The following SLIT3 variants were observed in gnomAD, a reference collection of about 807,000 sequenced individuals.
SLIT3 encodes slit guidance ligand 3, also known as slit homolog 3 protein.
In SLIT3, 68 loss-of-function variants were observed where a neutral mutation model predicts 184.0. The ratio of observed to expected loss-of-function variants is 0.37; its 90% CI spans 0.30 to 0.45. The LOEUF (loss-of-function observed/expected upper bound fraction) is 0.45. Among genes scored for constraint, SLIT3 ranks in the 20% least tolerant of loss-of-function variants. The probability of loss-of-function intolerance (pLI) is 1.00; values close to 1 mark genes in which losing one functional copy is unlikely to be tolerated. For synonymous variants in SLIT3, 831 were observed against 828.6 expected, an observed-to-expected ratio of 1.00 and a Z score of -0.05; for missense variants, 1,707 against 2,026.0, an observed-to-expected ratio of 0.84 and a Z score of 3.02.
chr5:169,107,478 A>C (rs1760255172), intron 4 of SLIT3, among the ~76,000 whole-genome samples: 1 of 152,226 alleles, frequency 6.6e-6, no homozygotes, highest in Admixed American at 6.5e-5. Flanking sequence ...AAAAATTATT[A>C]TTCTAAGCTT....
chr5:169,144,237 A>G (rs1487574644), intron 4 of SLIT3, among the ~76,000 whole-genome samples: 2 of 152,102 alleles, frequency 1.3e-5, no homozygotes, highest in Non-Finnish European at 2.9e-5. Flanking sequence ...GTCCTTGTAC[A>G]TGTTCTTCCC....
intron 8 of SLIT3, among the ~76,000 whole-genome samples, 177 bp downstream of exon 8, chr5:168,817,123 C>A (rs562782522): frequency 6.6e-6 from 1 of 152,196 alleles, no homozygotes; most frequent in Non-Finnish European, 1.5e-5. Context: ...GTTTTAAAAC[C>A]CTTTGAGGCA....
Position 169,163,738 on chromosome 5 carries a change from C to T in SLIT3, c.413+29741G>A, listed in dbSNP as rs543472517. Among the ~76,000 whole-genome samples the T allele has an allele frequency of 8.6e-5, 13 of 151,794 alleles. No individual in the cohort carries two copies. The East Asian group carries it at 1.9e-3, about 23-fold the overall frequency. On this transcript the variant is annotated intron_variant, in intron 4 of 35. Coordinates refer to ENST00000519560, the MANE Select transcript of SLIT3 (RefSeq NM_003062.4). ...TATTTTATCATTGCAGAGAGCATAT[C>T]GGGAAATACTAAGGAAGTTCAGGAA...
chr5:169,162,602 C>T (rs1295777206), intron 4 of SLIT3, among the ~76,000 whole-genome samples: 1 of 152,214 alleles, frequency 6.6e-6, no homozygotes, highest in African/African-American at 2.4e-5. Flanking sequence ...AGTTATCCAA[C>T]AGCACTGACC....
At chr5:169,209,877 A>G (rs1472267100) in intron 3 of SLIT3, among the ~76,000 whole-genome samples, 1 of 152,192 alleles carries the variant, frequency 6.6e-6, no homozygotes, top group African/African-American at 2.4e-5. Flanking sequence ...GCAAACCACT[A>G]TGGCACACGT....
intron 4 of SLIT3, among the ~76,000 whole-genome samples, chr5:169,121,569 T>C (rs1760872952): frequency 6.6e-6 from 1 of 152,232 alleles, no homozygotes; most frequent in Admixed American, 6.5e-5. Context: ...CCGATATTCC[T>C]GGTTGCTCTG....
At chr5:169,103,020 TAATA>T (rs1283409447) in intron 4 of SLIT3, among the ~76,000 whole-genome samples, 3 of 152,232 alleles carry the variant, frequency 2.0e-5, no homozygotes, top group African/African-American at 4.8e-5. Flanking sequence ...GTTATAATAC[TAATA>T]AATAGTCATG....
chr5:168,806,980 T>G (rs943597254), intron 8 of SLIT3, among the ~76,000 whole-genome samples: 7 of 152,334 alleles, frequency 4.6e-5, no homozygotes, highest in Admixed American at 4.6e-4. Context: ...ACATAGCTTT[T>G]AGACCTTTCT....
At chr5:169,190,523 T>C (rs987380840) in intron 4 of SLIT3, among the ~76,000 whole-genome samples, 2 of 152,266 alleles carry the variant, frequency 1.3e-5, no homozygotes, top group Non-Finnish European at 2.9e-5. Flanking sequence ...AGTCACAGCA[T>C]AGGTTCTAAT....
rs1449488812 is a variant in SLIT3 at position 168,666,382 on chromosome 5, A to AG, written c.*71dup. ...TTCATTTCCTTCATGCTGAATCACC[A>AG]GGGGGTCCCACATGGCTGTCCCAAC... On this transcript the variant is annotated 3_prime_UTR_variant, in exon 36 of 36. Transcript: ENST00000519560. 1.6e-5 allele frequency: 22 copies of AG among 1,396,778 alleles called. No homozygotes were observed. Among genetic ancestry groups the AG allele is most frequent in the African/African-American group, 2.9e-5 (2 of 69,584 alleles). 86.5% of individuals were successfully genotyped at this position (1,396,778 alleles called of 1,614,324 possible).
intron 27 of SLIT3, among the ~76,000 whole-genome samples, chr5:168,697,863 A>G (rs1762106265): frequency 6.6e-6 from 1 of 152,144 alleles, no homozygotes; most frequent in Admixed American, 6.6e-5. Context: ...GGTGTTGCCC[A>G]TTTGTTTTTC....
chr5:168,698,522 G>C (rs1203020761), intron 27 of SLIT3, among the ~76,000 whole-genome samples: 2 of 152,142 alleles, frequency 1.3e-5, no homozygotes, highest in East Asian at 3.9e-4. Context: ...CTCCCCTAGA[G>C]GCTCAGAGGG....
In SLIT3 at chr5:169,292,255, T is replaced by A. The variant is rs534808231; in HGVS notation, c.197+8258A>T. On this transcript the variant is annotated intron_variant, in intron 1 of 35. Transcript: ENST00000519560. ...GGCTGAACTTTTTACCAGGAGAGAA[T>A]AACACACATATACATACACATTCAA... Among the ~76,000 whole-genome samples, 4 of 152,324 alleles carry A rather than the reference T, an allele frequency of 2.6e-5. No homozygotes were observed. The South Asian group carries it at 6.2e-4, about 24-fold the overall frequency.
Position 168,772,963 on chromosome 5 carries a change from C to T in SLIT3, c.1296-19G>A, listed in dbSNP as rs770880297. ...TAAGTGGCTGCGAGAGGGATGGGGC[C>T]GTTAATCAGGAGTGACCCACGGCGT... On this transcript the variant is annotated intron_variant, in intron 13 of 35. Coordinates refer to ENST00000519560, the MANE Select transcript of SLIT3 (RefSeq NM_003062.4). 2.5e-5 allele frequency: 40 copies of T among 1,578,896 alleles called. No individual in the cohort carries two copies. Among genetic ancestry groups the T allele is most frequent in the African/African-American group, 1.1e-4 (8 of 74,072 alleles).
At chr5:169,042,926 T>A (rs1305959631) in intron 4 of SLIT3, among the ~76,000 whole-genome samples, 1 of 152,220 alleles carries the variant, frequency 6.6e-6, no homozygotes, top group Non-Finnish European at 1.5e-5. Context: ...ATCAGCTCCC[T>A]AATCTAGTTA....
intron 4 of SLIT3, among the ~76,000 whole-genome samples, chr5:168,963,495 G>A (rs1349275588): frequency 1.3e-5 from 2 of 152,204 alleles, no homozygotes; most frequent in Non-Finnish European, 2.9e-5. Flanking sequence ...TTTACAGAGT[G>A]TCTATGGCTG....
At chr5:168,936,267 T>C (rs2113186597) in intron 4 of SLIT3, among the ~76,000 whole-genome samples, 1 of 152,282 alleles carries the variant, frequency 6.6e-6, no homozygotes, top group African/African-American at 2.4e-5. Flanking sequence ...GCAGAGTCTC[T>C]CTCTGTCACC....
chr5:168,876,286 C>T (rs1418674203), intron 5 of SLIT3, among the ~76,000 whole-genome samples: 2 of 152,166 alleles, frequency 1.3e-5, no homozygotes, highest in Non-Finnish European at 2.9e-5. Flanking sequence ...CAGCTTCAGT[C>T]TCTGCCTCTC....
At chr5:168,930,781 T>C (rs562792169) in intron 4 of SLIT3, among the ~76,000 whole-genome samples, 2 of 152,046 alleles carry the variant, frequency 1.3e-5, no homozygotes, top group South Asian at 4.2e-4. Flanking sequence ...GGTCCGGTTC[T>C]GGAAACTCTC....
Sources: allele counts gnomAD v4.1 joint callset (sites outside exome capture counted in the v4.1 genomes callset), GRCh38; gene constraint gnomAD v4.1.1; transcripts MANE v1.5; gene names NCBI Gene and HGNC (gene_info 2026-07-23, HGNC 2026-07-21).